The following CSMD1 variants were observed in gnomAD, a reference collection of about 807,000 sequenced individuals.
CSMD1 encodes the protein CUB and Sushi multiple domains 1.
CSMD1 carries 213 observed loss-of-function variants against 417.5 expected under a neutral mutation model. The observed-to-expected ratio is 0.51, with a 90% CI of 0.46 to 0.57. The LOEUF is 0.57. CSMD1 is among the 20% of genes least tolerant of loss of function. The pLI, the probability that CSMD1 is intolerant of heterozygous loss-of-function variation, is 0.00. For missense variants in CSMD1, 6,923 were observed against 4,529.7 expected (o/e 1.53, Z -15.17); for synonymous variants, 2,862 against 1,736.8 (o/e 1.65, Z -16.11).
At chr8:3,330,517 A>T (rs73171174) in intron 23 of CSMD1, among the ~76,000 whole-genome samples, 26,098 of 152,142 alleles carry the variant, frequency 0.17, 2,888 homozygotes, top group East Asian at 0.35. Context: ...ATACCGCGTG[A>T]TCTCACTTCT....
At chr8:3,978,252 G>T (rs1253529077) in intron 5 of CSMD1, among the ~76,000 whole-genome samples, 2 of 152,134 alleles carry the variant, frequency 1.3e-5, no homozygotes, top group Non-Finnish European at 2.9e-5. Flanking sequence ...CTCCAGCAGA[G>T]GTGACCTGAC....
rs377024294 is a variant in CSMD1 at position 4,154,855 on chromosome 8, T to A, written c.416-122756A>T. Among the ~76,000 whole-genome samples the A allele has an allele frequency of 2.6e-5, 4 of 152,170 alleles. No homozygotes were observed. In the South Asian group the frequency reaches 8.3e-4, roughly 31 times the overall value. ...AATTAGTGAAAGCTTTCTGATTTGT[T>A]GATACCAAGTCAGCTGCATCACAGT... is the stretch of plus-strand genomic sequence containing the variant. On this transcript the variant is annotated intron_variant, in intron 3 of 69. Coordinates refer to ENST00000635120, the MANE Select transcript of CSMD1 (RefSeq NM_033225.6).
At chr8:4,062,716 G>C (rs1799040583) in intron 3 of CSMD1, among the ~76,000 whole-genome samples, 4 of 150,614 alleles carry the variant, frequency 2.7e-5, no homozygotes, top group South Asian at 2.1e-4. Context: ...CATTATTCCT[G>C]ATCAGCATTA....
chr8:3,666,422 T>G (rs1395177517), intron 7 of CSMD1, among the ~76,000 whole-genome samples: 1 of 152,242 alleles, frequency 6.6e-6, no homozygotes, highest in African/African-American at 2.4e-5. Context: ...TTTTAATGTA[T>G]ACTTGCTAAA....
chr8:3,421,941 C>T (rs901437142), intron 12 of CSMD1, among the ~76,000 whole-genome samples: 11 of 151,446 alleles, frequency 7.3e-5, no homozygotes, highest in Non-Finnish European at 1.6e-4. Context: ...CCCGGCCCCA[C>T]AGATGGCTTA....
In CSMD1 at chr8:4,226,067, GACACACACACACAC is replaced by G. The variant is rs67767005; in HGVS notation, c.415+193872_415+193885del. 1.5e-3 allele frequency among the ~76,000 whole-genome samples: 220 copies of G among 143,602 alleles called. 1 individual carries two copies. The highest frequency in any genetic ancestry group is 5.1e-3 in the African/African-American group (199 of 39,190). The allele number at this position is 143,602 out of a possible 152,430, so 94.2% of individuals were successfully genotyped here. A position where few individuals can be genotyped will look rare whatever the true frequency, so the allele number is the denominator to read the frequency against. Reference sequence around the variant, plus strand: ...GCTGGAAGGTTAGAGCTGACAGGCGGACACACACACACACACACACACACACACACACACACACA... The same window carrying G: ...GCTGGAAGGTTAGAGCTGACAGGCGGACACACACACACACACACACACACA... On this transcript the variant is annotated intron_variant, in intron 3 of 69. Transcript: ENST00000635120.
At chr8:4,619,540 C>T (rs1480638639) in intron 2 of CSMD1, among the ~76,000 whole-genome samples, 2 of 152,152 alleles carry the variant, frequency 1.3e-5, no homozygotes, top group East Asian at 3.8e-4. Flanking sequence ...TTTTGCTAAG[C>T]TCTAATGCAT....
At chr8:3,580,484 G>T (rs1001041653) in intron 9 of CSMD1, among the ~76,000 whole-genome samples, 1 of 152,162 alleles carries the variant, frequency 6.6e-6, no homozygotes, top group Non-Finnish European at 1.5e-5. Context: ...AATGTAAATA[G>T]CACCAACTTA....
chr8:4,553,547 G>T (rs775084760), intron 2 of CSMD1, among the ~76,000 whole-genome samples: 1 of 150,642 alleles, frequency 6.6e-6, no homozygotes. Flanking sequence ...GATTTTTTTA[G>T]CTATCATATT....
At chr8:3,364,148 T>C (rs1282899582) in intron 20 of CSMD1, among the ~76,000 whole-genome samples, 3 of 150,942 alleles carry the variant, frequency 2.0e-5, no homozygotes, top group Admixed American at 6.6e-5. Context: ...TTGCTAGTTA[T>C]TTGTATACTT....
chr8:4,442,704 C>T (rs765711702), intron 2 of CSMD1, among the ~76,000 whole-genome samples: 6 of 152,066 alleles, frequency 3.9e-5, no homozygotes, highest in Non-Finnish European at 7.4e-5. Context: ...GGTAGTTCCC[C>T]GAAATGTGTA....
chr8:4,490,959 C>T (rs181446680), intron 2 of CSMD1, among the ~76,000 whole-genome samples: 21 of 152,266 alleles, frequency 1.4e-4, no homozygotes, highest in African/African-American at 5.1e-4. Context: ...AACAAGAGAA[C>T]TGTTATGTGA....
In CSMD1 at chr8:3,542,020, G is replaced by T. The variant is rs139485102; in HGVS notation, c.1344+32925C>A. Among the ~76,000 whole-genome samples, 781 of 151,642 alleles carry T rather than the reference G, an allele frequency of 5.2e-3. 9 individuals are homozygous for T. Among genetic ancestry groups the T allele is most frequent in the African/African-American group, 0.018 (742 of 41,128 alleles). ...AACAGGGACTCCATTTCGAAAAAAA[G>T]GAAAAAATATTTGTTGTTAATTATC... On this transcript the variant is annotated intron_variant, in intron 10 of 69. Transcript: ENST00000635120.
chr8:4,138,413 C>CT (rs1363046634), intron 3 of CSMD1, among the ~76,000 whole-genome samples: 4 of 151,984 alleles, frequency 2.6e-5, no homozygotes, highest in Non-Finnish European at 5.9e-5. Flanking sequence ...CAGTTCTGAG[C>CT]TCTCAGCCTC....
At chr8:3,335,523 C>T (rs547545130) in intron 23 of CSMD1, among the ~76,000 whole-genome samples, 1 of 151,998 alleles carries the variant, frequency 6.6e-6, no homozygotes, top group East Asian at 1.9e-4. Context: ...ACTAAAAATA[C>T]AAAATTAGCC....
At chr8:4,830,079 G>A (rs962393538) in intron 1 of CSMD1, among the ~76,000 whole-genome samples, 11 of 152,178 alleles carry the variant, frequency 7.2e-5, no homozygotes, top group African/African-American at 1.2e-4. Flanking sequence ...CTAGGCCAGG[G>A]ATACCCAGGT....
At chr8:3,642,365 C>A (rs1797349838) in intron 7 of CSMD1, among the ~76,000 whole-genome samples, 1 of 152,096 alleles carries the variant, frequency 6.6e-6, no homozygotes, top group Admixed American at 6.6e-5. Flanking sequence ...GAAATCACCG[C>A]AAAGAATTTA....
At chr8:4,490,000 G>T (rs1247410750) in intron 2 of CSMD1, among the ~76,000 whole-genome samples, 1 of 149,366 alleles carries the variant, frequency 6.7e-6, no homozygotes, top group African/African-American at 2.5e-5. Flanking sequence ...CAAAATTGTT[G>T]TCTGTCTTTC....
chr8:3,411,932 A>G (rs1441446485), intron 12 of CSMD1, among the ~76,000 whole-genome samples: 1 of 127,862 alleles, frequency 7.8e-6, no homozygotes, highest in Non-Finnish European at 1.7e-5. Context: ...GTATATATAC[A>G]CGTATATATG....
Sources: gnomAD v4.1 joint callset for allele counts (sites outside exome capture counted in the v4.1 genomes callset) on GRCh38, gnomAD v4.1.1 for gene constraint, MANE v1.5 for transcripts, NCBI Gene and HGNC (gene_info 2026-07-23, HGNC 2026-07-21) for gene names.